RNF13: variants seen among roughly 807,000 people sequenced by gnomAD.
RNF13 encodes ring finger protein 13.
In RNF13, 19 loss-of-function variants were observed where a neutral mutation model predicts 37.7. The observed-to-expected ratio is 0.50, with a 90% CI of 0.35 to 0.74. The LOEUF (loss-of-function observed/expected upper bound fraction) is 0.74. RNF13 is among the 30% of genes least tolerant of loss of function. The probability of loss-of-function intolerance (pLI) is 0.01; values close to 1 mark genes in which losing one functional copy is unlikely to be tolerated. For missense variants in RNF13, 375 were observed against 453.0 expected (o/e 0.83, Z 1.56); for synonymous variants, 144 against 157.8 (o/e 0.91, Z 0.65).
At chr3:149,814,930 T>C (rs555933941) in intron 1 of RNF13, among the ~76,000 whole-genome samples, 1 of 151,540 alleles carries the variant, frequency 6.6e-6, no homozygotes, top group East Asian at 1.9e-4. Context: ...AACTGTTTTA[T>C]TAGTTTTTTT....
chr3:149,872,369 T>G (rs1341930182), intron 4 of RNF13, among the ~76,000 whole-genome samples: 2 of 152,356 alleles, frequency 1.3e-5, no homozygotes, highest in African/African-American at 4.8e-5. Flanking sequence ...AGTGGAATGT[T>G]ACTTGATCTC....
intron 8 of RNF13, chr3:149,939,236 T>C: frequency 3.0e-5 from 15 of 503,214 alleles, no homozygotes; most frequent in South Asian, 2.3e-4. Flanking sequence ...GAGTATCTCG[T>C]ATGGATTTCC....
At chr3:149,922,814 T>A (rs184050242) in intron 8 of RNF13, among the ~76,000 whole-genome samples, 2 of 152,314 alleles carry the variant, frequency 1.3e-5, no homozygotes, top group Admixed American at 1.3e-4. Flanking sequence ...GAGGTGTGAC[T>A]ATAATACCAT....
chr3:149,912,433 A>G (rs903355550), intron 7 of RNF13, among the ~76,000 whole-genome samples: 3 of 152,190 alleles, frequency 2.0e-5, no homozygotes, highest in Non-Finnish European at 2.9e-5. Context: ...ATTTCATTAT[A>G]TGTAAATTTT....
intron 4 of RNF13, among the ~76,000 whole-genome samples, chr3:149,887,985 A>G (rs1399812509): frequency 6.6e-6 from 1 of 152,222 alleles, no homozygotes; most frequent in African/African-American, 2.4e-5. Context: ...AGACGCTTTA[A>G]AGCTACTGAA....
chr3:149,944,009 C>T (rs1271886783), intron 8 of RNF13, among the ~76,000 whole-genome samples: 1 of 151,960 alleles, frequency 6.6e-6, no homozygotes, highest in African/African-American at 2.4e-5. Context: ...CCCCTTCCTA[C>T]GTCCCAGTGT....
intron 8 of RNF13, among the ~76,000 whole-genome samples, chr3:149,925,158 T>C (rs1375812767): frequency 6.6e-6 from 1 of 152,200 alleles, no homozygotes; most frequent in African/African-American, 2.4e-5. Flanking sequence ...TAGGGAAATA[T>C]AATATGGTTG....
intron 6 of RNF13, among the ~76,000 whole-genome samples, chr3:149,903,154 A>G (rs1461387771): frequency 6.6e-6 from 1 of 152,142 alleles, no homozygotes; most frequent in Non-Finnish European, 1.5e-5. Flanking sequence ...TTCACATATT[A>G]TATGCTCAGA....
At chr3:149,924,274 A>T (rs1054007042) in intron 8 of RNF13, among the ~76,000 whole-genome samples, 3 of 152,122 alleles carry the variant, frequency 2.0e-5, no homozygotes, top group African/African-American at 7.2e-5. Flanking sequence ...GAACATATGG[A>T]ATTTCAGATG....
At chr3:149,860,270 A>AAAATATATATATATATAT (rs1302318768) in intron 3 of RNF13, among the ~76,000 whole-genome samples, 3 of 104,114 alleles carry the variant, frequency 2.9e-5, no homozygotes, top group African/African-American at 1.3e-4. Context: ...AAAAAAAAAA[A>AAAATATATATATATATAT]ATATATATAT....
At chr3:149,848,479 A>G (rs1172777310) in intron 2 of RNF13, among the ~76,000 whole-genome samples, 3 of 152,192 alleles carry the variant, frequency 2.0e-5, no homozygotes, top group Non-Finnish European at 4.4e-5. Context: ...CAATCATTCA[A>G]AGGAAGTGAG....
intron 8 of RNF13, among the ~76,000 whole-genome samples, chr3:149,938,755 T>C (rs1334299985): frequency 6.6e-6 from 1 of 152,128 alleles, no homozygotes; most frequent in Non-Finnish European, 1.5e-5. Context: ...CCACTACTAC[T>C]ATGTCCTATC....
At chr3:149,960,180 T>A in intron 9 of RNF13, 44 bp downstream of exon 9, 1 of 1,272,268 alleles carries the variant, frequency 7.9e-7, no homozygotes, top group Non-Finnish European at 1.1e-6. Flanking sequence ...TATAGTAATT[T>A]ATATTTAGGT....
intron 7 of RNF13, among the ~76,000 whole-genome samples, chr3:149,914,799 G>A (rs1717338963): frequency 6.6e-6 from 1 of 152,006 alleles, no homozygotes; most frequent in Non-Finnish European, 1.5e-5. Context: ...TTAGCTGGGT[G>A]TGGTGGCAGG....
At chr3:149,853,460 GAGAGAGAGAGAGA>G (rs1723322914) in intron 3 of RNF13, among the ~76,000 whole-genome samples, 416 of 30,346 alleles carry the variant, frequency 0.014, 1 homozygote, top group African/African-American at 0.031. Context: ...GAGAGGGAGA[GAGAGAGAGAGAGA>G]GAGAGAGAGA....
chr3:149,846,194 A>T (rs916640362), intron 2 of RNF13, 54 bp downstream of exon 2: 46 of 1,167,910 alleles, frequency 3.9e-5, no homozygotes, highest in Non-Finnish European at 5.3e-5. Context: ...AGAAAAGCTT[A>T]AAAAAAGCCT....
chr3:149,914,425 TC>T lies in RNF13; in HGVS notation c.606+2344del, dbSNP rs536879006. Among the ~76,000 whole-genome samples the T allele has an allele frequency of 2.8e-3, 428 of 152,240 alleles. 2 individuals carry two copies. The highest frequency in any genetic ancestry group is 0.02 in the Middle Eastern group (6 of 294). On this transcript the variant is annotated intron_variant, in intron 7 of 9. Coordinates refer to ENST00000392894, the MANE Select transcript of RNF13 (RefSeq NM_183381.3). ...TTAATCATGTAATCATGTAACAAAT[TC>T]CATTATGGTAATTTGTTTGTTGATT... is the stretch of plus-strand genomic sequence containing the variant.
intron 8 of RNF13, among the ~76,000 whole-genome samples, chr3:149,949,299 T>C (rs1721077371): frequency 6.6e-6 from 1 of 152,154 alleles, no homozygotes; most frequent in Non-Finnish European, 1.5e-5. Flanking sequence ...GAAAGGGCAC[T>C]TTTGCTAAAC....
chr3:149,901,026 G>A (rs1021345177), intron 5 of RNF13, among the ~76,000 whole-genome samples: 1 of 152,080 alleles, frequency 6.6e-6, no homozygotes, highest in African/African-American at 2.4e-5. Flanking sequence ...AGGGGGTAGG[G>A]GTTGACTGTA....
Sources: allele counts gnomAD v4.1 joint callset (sites outside exome capture counted in the v4.1 genomes callset), GRCh38; gene constraint gnomAD v4.1.1; transcripts MANE v1.5; gene names NCBI Gene and HGNC (gene_info 2026-07-23, HGNC 2026-07-21).